MAPK10: variants seen among roughly 807,000 people sequenced by gnomAD.
The protein encoded by MAPK10 is JNK3 alpha protein kinase.
In MAPK10, 25 loss-of-function variants were observed where a neutral mutation model predicts 59.3. The observed-to-expected ratio is 0.42, with a 90% CI of 0.31 to 0.59. MAPK10 has a LOEUF of 0.59. Among genes scored for constraint, MAPK10 ranks in the 20% least tolerant of loss-of-function variants. MAPK10 has a pLI of 0.15. For synonymous variants in MAPK10, 190 were observed against 200.5 expected (o/e 0.95, Z 0.44); for missense variants, 351 against 568.9 (o/e 0.62, Z 3.90).
intron 1 of MAPK10, among the ~76,000 whole-genome samples, chr4:86,475,148 C>T (rs1303260015): frequency 6.6e-6 from 1 of 152,154 alleles, no homozygotes; most frequent in Non-Finnish European, 1.5e-5. Context: ...ACTCAGCCCA[C>T]CTGCACCCAG....
At chr4:86,172,625 A>G (rs544214630) in intron 3 of MAPK10, among the ~76,000 whole-genome samples, 5 of 151,510 alleles carry the variant, frequency 3.3e-5, no homozygotes, top group Non-Finnish European at 7.4e-5. Flanking sequence ...CCTAATGCTA[A>G]ATGACGAGTT....
At position 86,014,343 on chromosome 4, in the gene MAPK10, TGTTAA is replaced by T. The variant is rs776664784; in HGVS notation, c.*2880_*2884del. On this transcript the variant is annotated 3_prime_UTR_variant, in exon 14 of 14. Transcript: ENST00000641462. ...GTGTGTGTGTGTGTGTGTGTGTGTG[TGTTAA>T]GACAGACAAGTGAATGCAGAACATA... is the stretch of plus-strand genomic sequence containing the variant. 565 of 139,746 alleles carry T rather than the reference TGTTAA, an allele frequency of 4.0e-3. 3 individuals are homozygous for T. The highest frequency in any genetic ancestry group is 4.1e-3 in the Non-Finnish European group (267 of 65,588). The allele number at this position is 139,746 out of a possible 1,614,324, so 8.7% of individuals were successfully genotyped here. A position where few individuals can be genotyped will look rare whatever the true frequency, so the allele number is the denominator to read the frequency against.
intron 9 of MAPK10, among the ~76,000 whole-genome samples, chr4:86,092,796 T>C (rs908550151): frequency 1.3e-5 from 2 of 152,130 alleles, no homozygotes; most frequent in Non-Finnish European, 2.9e-5. Context: ...TCTGGGTCTC[T>C]GTAAGAGTTC....
chr4:86,483,459 G>A (rs1304428065), intron 1 of MAPK10, among the ~76,000 whole-genome samples: 1 of 152,074 alleles, frequency 6.6e-6, no homozygotes, highest in African/African-American at 2.4e-5. Context: ...GAACAAACTA[G>A]AGAGACTTCA....
chr4:86,191,756 T>C (rs770390387), intron 3 of MAPK10: 4 of 151,926 alleles, frequency 2.6e-5, no homozygotes, highest in Non-Finnish European at 4.4e-5. Flanking sequence ...GATTGGGGCA[T>C]TTAGCCCATT....
chr4:86,548,022 C>G (rs555903806), intron 1 of MAPK10, among the ~76,000 whole-genome samples: 3 of 152,304 alleles, frequency 2.0e-5, no homozygotes, highest in African/African-American at 7.2e-5. Flanking sequence ...CCTGATCCAG[C>G]AGTGGCAACC....
chr4:86,359,659 A>G lies in MAPK10; in HGVS notation c.-123T>C. On this transcript the variant is annotated splice_region_variant and 5_prime_UTR_variant, in exon 1 of 14. The change abolishes an upstream ATG in the 5' untranslated region. Coordinates refer to ENST00000641462, the MANE Select transcript of MAPK10 (RefSeq NM_138982.4). Reference sequence around the variant, plus strand: ...CAGAACGAGCAAAGAGCCACCTACCATTCCGTGCCTGAGAACTACGATCCT... The same window carrying G: ...CAGAACGAGCAAAGAGCCACCTACCGTTCCGTGCCTGAGAACTACGATCCT... The G allele has an allele frequency of 2.0e-6, 2 of 985,782 alleles. No homozygotes were observed. Among genetic ancestry groups the G allele is most frequent in the Non-Finnish European group, 2.4e-6 (2 of 829,880 alleles). 61.1% of individuals were successfully genotyped at this position (985,782 alleles called of 1,614,324 possible). A position where few individuals can be genotyped will look rare whatever the true frequency, so the allele number is the denominator to read the frequency against.
chr4:86,114,601 G>C (rs372791360), intron 4 of MAPK10, among the ~76,000 whole-genome samples: 6 of 152,226 alleles, frequency 3.9e-5, no homozygotes, highest in African/African-American at 1.4e-4. Context: ...ATGCTGGCCA[G>C]AACACTCCTG....
intron 3 of MAPK10, among the ~76,000 whole-genome samples, chr4:86,190,557 C>T (rs150953176): frequency 0.13 from 19,553 of 151,952 alleles, 1,275 homozygotes; most frequent in Middle Eastern, 0.14. Flanking sequence ...TATTCTCTGA[C>T]GGTAGTCTGT....
chr4:86,293,525 C>A (rs2095282014), intron 2 of MAPK10, among the ~76,000 whole-genome samples: 1 of 152,164 alleles, frequency 6.6e-6, no homozygotes, highest in African/African-American at 2.4e-5. Flanking sequence ...TGCTTACTGT[C>A]AACATCTGAG....
rs572493900 is a variant in MAPK10 at position 86,238,648 on chromosome 4, G to A, written c.-6-44241C>T. On this transcript the variant is annotated intron_variant, in intron 2 of 13. Coordinates refer to ENST00000641462, the MANE Select transcript of MAPK10 (RefSeq NM_138982.4). ...TCATTCATGATTTGGCTCTCCGCTT[G>A]CCTATTGTTGGTGTAAAGGAATGCT... Among the ~76,000 whole-genome samples, 3 of 152,246 alleles carry A rather than the reference G, an allele frequency of 2.0e-5. No individual in the cohort carries two copies. In the East Asian group the frequency reaches 5.8e-4, roughly 29 times the overall value.
intron 8 of MAPK10, chr4:86,098,802 A>T (rs1034739111): frequency 5.2e-5 from 26 of 496,828 alleles, no homozygotes; most frequent in Non-Finnish European, 8.4e-5. Context: ...ATTAATGTTT[A>T]AAAACCCATT....
At chr4:86,181,275 A>G (rs2076890777) in intron 3 of MAPK10, among the ~76,000 whole-genome samples, 1 of 152,100 alleles carries the variant, frequency 6.6e-6, no homozygotes, top group African/African-American at 2.4e-5. Context: ...AGGAGCCAAA[A>G]GGAGTTTTTG....
chr4:86,435,595 A>G (rs1430017895), intron 1 of MAPK10, among the ~76,000 whole-genome samples: 6 of 152,326 alleles, frequency 3.9e-5, no homozygotes, highest in Middle Eastern at 6.8e-3. Context: ...ATGTGATGCC[A>G]TCAGAGCACC....
intron 1 of MAPK10, among the ~76,000 whole-genome samples, chr4:86,538,664 A>G (rs1261085808): frequency 1.3e-5 from 2 of 152,212 alleles, no homozygotes; most frequent in Admixed American, 1.3e-4. Flanking sequence ...TGTCCTTAAA[A>G]TATTCACTCT....
At chr4:86,579,935 T>C (rs918120512) in intron 1 of MAPK10, among the ~76,000 whole-genome samples, 5 of 152,050 alleles carry the variant, frequency 3.3e-5, no homozygotes, top group African/African-American at 1.2e-4. Flanking sequence ...CACCTCAGCC[T>C]CCCAAGTAGT....
chr4:86,297,435 G>C (rs914083348), intron 2 of MAPK10, among the ~76,000 whole-genome samples: 4 of 151,972 alleles, frequency 2.6e-5, no homozygotes, highest in African/African-American at 9.7e-5. Flanking sequence ...TCAGCCTCCC[G>C]AGTAGCTGCT....
chr4:86,576,446 A>G (rs1327132636), intron 1 of MAPK10, among the ~76,000 whole-genome samples: 2 of 152,144 alleles, frequency 1.3e-5, no homozygotes, highest in African/African-American at 2.4e-5. Context: ...TTAAACTGAA[A>G]GACCTGAATT....
chr4:86,553,039 C>G (rs939565656), intron 1 of MAPK10, among the ~76,000 whole-genome samples: 5 of 152,120 alleles, frequency 3.3e-5, no homozygotes, highest in Non-Finnish European at 5.9e-5. Flanking sequence ...TGCCGGCATC[C>G]ATAAAACCGT....
Sources: allele counts gnomAD v4.1 joint callset (sites outside exome capture counted in the v4.1 genomes callset), GRCh38; gene constraint gnomAD v4.1.1; transcripts MANE v1.5; gene names NCBI Gene and HGNC (gene_info 2026-07-23, HGNC 2026-07-21).